The following DAB1 variants were observed in gnomAD, a reference collection of about 807,000 sequenced individuals.
The protein encoded by DAB1 is DAB adaptor protein 1.
A neutral mutation model predicts 64.6 loss-of-function variants in DAB1; 15 were observed. The observed-to-expected ratio is 0.23, with a 90% CI of 0.16 to 0.36. DAB1 has a LOEUF of 0.36. Ranked by LOEUF, DAB1 falls within the 10% of genes least tolerant of loss-of-function variation. The pLI is 1.00. For synonymous variants in DAB1, 235 were observed against 251.9 expected (o/e 0.93, Z 0.64); for missense variants, 596 against 706.7 (o/e 0.84, Z 1.78).
intron 1 of DAB1, among the ~76,000 whole-genome samples, chr1:57,330,443 A>G (rs1284432624): frequency 6.6e-6 from 1 of 152,154 alleles, no homozygotes; most frequent in Non-Finnish European, 1.5e-5. Flanking sequence ...TGTATCATTT[A>G]CTAGCTGGGT....
At chr1:58,318,181 C>G (rs7546303) in intron 4 of DAB1, among the ~76,000 whole-genome samples, 49,996 of 152,062 alleles carry the variant, frequency 0.33, 8,468 homozygotes, top group Middle Eastern at 0.46. Context: ...AATTAAGCAC[C>G]TCCTCACTTC....
At chr1:58,151,832 C>T (rs561539707) in intron 4 of DAB1, among the ~76,000 whole-genome samples, 26 of 152,276 alleles carry the variant, frequency 1.7e-4, no homozygotes, top group African/African-American at 6.3e-4. Flanking sequence ...TTTGATATAG[C>T]TGGATAAGTG....
At chr1:57,446,209 G>C (rs1000305767) in intron 7 of DAB1, among the ~76,000 whole-genome samples, 1 of 152,170 alleles carries the variant, frequency 6.6e-6, no homozygotes, top group East Asian at 1.9e-4. Flanking sequence ...CATCTTCACT[G>C]TAGATACACC....
Position 57,008,675 on chromosome 1 carries a change from ATGT to A in DAB1, c.*15+2002_*15+2004del, listed in dbSNP as rs559493489. 1.1e-4 allele frequency among the ~76,000 whole-genome samples: 17 copies of A among 152,316 alleles called. 1 individual carries two copies. The East Asian group carries it at 3.1e-3, about 28-fold the overall frequency. The stretch of plus-strand genomic sequence containing the variant: ...TGGAGCCAGATGCTGAACTCAAACA[ATGT>A]TGTTCCAGAACCTAGATATTTTTTT... On this transcript the variant is annotated intron_variant, in intron 14 of 14. Transcript: ENST00000371236.
intron 7 of DAB1, among the ~76,000 whole-genome samples, chr1:57,592,960 G>A (rs1237217567): frequency 6.6e-6 from 1 of 152,144 alleles, no homozygotes; most frequent in Non-Finnish European, 1.5e-5. Context: ...GTCACACTGA[G>A]GGTTGGGGCT....
intron 4 of DAB1, among the ~76,000 whole-genome samples, chr1:58,328,872 C>G (rs1449838672): frequency 2.0e-5 from 3 of 152,146 alleles, no homozygotes; most frequent in Non-Finnish European, 4.4e-5. Flanking sequence ...CCAATCCTGC[C>G]TTCTTTTTAA....
At chr1:57,473,420 C>T (rs1348544445) in intron 7 of DAB1, among the ~76,000 whole-genome samples, 1 of 152,170 alleles carries the variant, frequency 6.6e-6, no homozygotes, top group Admixed American at 6.5e-5. Flanking sequence ...GTGAGACAAA[C>T]TCTCCAGTGC....
intron 7 of DAB1, among the ~76,000 whole-genome samples, chr1:57,439,424 T>TTTTTTTGTTTTTTTTTGTTTTTTG (rs1558381326): frequency 1.7e-5 from 2 of 117,110 alleles, no homozygotes; most frequent in South Asian, 5.7e-4. Context: ...TGAGGTTTTT[T>TTTTTTTGTTTTTTTTTGTTTTTTG]CTTTTTTTTT....
At chr1:57,034,287 A>G (rs1333352868) in intron 9 of DAB1, among the ~76,000 whole-genome samples, 2 of 151,596 alleles carry the variant, frequency 1.3e-5, no homozygotes, top group South Asian at 2.1e-4. Context: ...TCAAAAAAAA[A>G]AAAAGAAATG....
chr1:58,369,269 T>G (rs879135831), intron 3 of DAB1, among the ~76,000 whole-genome samples: 1 of 152,186 alleles, frequency 6.6e-6, no homozygotes, highest in Non-Finnish European at 1.5e-5. Context: ...AAATAAAATA[T>G]TAGCTTCTGA....
chr1:58,500,573 T>C (rs1275845485), intron 3 of DAB1, among the ~76,000 whole-genome samples: 3 of 152,200 alleles, frequency 2.0e-5, no homozygotes, highest in Non-Finnish European at 2.9e-5. Context: ...TATCTAAAAA[T>C]TGAATGAAGT....
chr1:58,113,137 G>A (rs542992998), intron 5 of DAB1, among the ~76,000 whole-genome samples: 58 of 152,286 alleles, frequency 3.8e-4, no homozygotes, highest in Admixed American at 1.2e-3. Flanking sequence ...TGGCACAGAG[G>A]AGGGTGCCAG....
intron 6 of DAB1, among the ~76,000 whole-genome samples, chr1:57,746,419 G>A (rs944812124): frequency 2.0e-5 from 3 of 152,016 alleles, no homozygotes; most frequent in African/African-American, 4.8e-5. Flanking sequence ...ATGAGAAATT[G>A]TATTTTTTGT....
At chr1:58,147,980 G>C (rs1413140898) in intron 5 of DAB1, among the ~76,000 whole-genome samples, 1 of 97,224 alleles carries the variant, frequency 1.0e-5, no homozygotes, top group African/African-American at 5.7e-5. Context: ...TACTATAGCT[G>C]GAGAAAAAAA....
chr1:57,911,834 CT>C (rs1193773541), intron 5 of DAB1, among the ~76,000 whole-genome samples: 1 of 152,222 alleles, frequency 6.6e-6, no homozygotes, highest in Admixed American at 6.5e-5. Flanking sequence ...TACACTATAG[CT>C]TTCCTTATTC....
chr1:57,175,451 A>T (rs895149767), intron 2 of DAB1, among the ~76,000 whole-genome samples: 1 of 152,004 alleles, frequency 6.6e-6, no homozygotes, highest in Non-Finnish European at 1.5e-5. Flanking sequence ...CCTGCAAAGT[A>T]GGTCAATTCT....
intron 5 of DAB1, among the ~76,000 whole-genome samples, chr1:57,990,281 G>A (rs1436198358): frequency 6.6e-6 from 1 of 152,192 alleles, no homozygotes; most frequent in Non-Finnish European, 1.5e-5. Flanking sequence ...GACTTACAGA[G>A]AATAAGTTAC....
intron 1 of DAB1, among the ~76,000 whole-genome samples, chr1:57,350,565 G>T (rs937691556): frequency 6.6e-6 from 1 of 152,084 alleles, no homozygotes; most frequent in Non-Finnish European, 1.5e-5. Context: ...TTTGCTGGGC[G>T]CTACTCAGGG....
intron 5 of DAB1, among the ~76,000 whole-genome samples, chr1:57,929,905 C>CA (rs1644931501): frequency 6.6e-6 from 1 of 152,190 alleles, no homozygotes; most frequent in South Asian, 2.1e-4. Flanking sequence ...GATCCACCCC[C>CA]AGGACCCAAC....
Sources: allele counts gnomAD v4.1 joint callset (sites outside exome capture counted in the v4.1 genomes callset), GRCh38; gene constraint gnomAD v4.1.1; transcripts MANE v1.5; gene names NCBI Gene and HGNC (gene_info 2026-07-23, HGNC 2026-07-21).